The following RBX1 variants were observed in gnomAD, a reference collection of about 807,000 sequenced individuals.
The protein encoded by RBX1 is E3 ubiquitin-protein ligase RBX1.
For missense variants in RBX1, 46 were observed against 141.4 expected, an observed-to-expected ratio of 0.33 and a Z score of 3.42; for synonymous variants, 48 against 47.9, an observed-to-expected ratio of 1.00 and a Z score of -0.01.
chr22:40,959,085 G>A (rs1428650517), intron 2 of RBX1, among the ~76,000 whole-genome samples: 1 of 152,130 alleles, frequency 6.6e-6, no homozygotes, highest in African/African-American at 2.4e-5. Context: ...CAAAGTGCTG[G>A]GATTACAGGC....
At chr22:40,952,668 C>CTA in intron 1 of RBX1, among the ~76,000 whole-genome samples, 1 of 151,596 alleles carries the variant, frequency 6.6e-6, no homozygotes, top group African/African-American at 2.4e-5. Context: ...ATAGAAGAGT[C>CTA]TAAACATATA....
intron 2 of RBX1, among the ~76,000 whole-genome samples, chr22:40,957,362 T>C (rs1036145940): frequency 2.0e-5 from 3 of 151,248 alleles, no homozygotes; most frequent in Non-Finnish European, 1.5e-5. Flanking sequence ...AAAGACACTC[T>C]TGGCCAGGTG....
At chr22:40,959,532 C>T (rs1176667427) in intron 2 of RBX1, among the ~76,000 whole-genome samples, 3 of 152,150 alleles carry the variant, frequency 2.0e-5, no homozygotes, top group Non-Finnish European at 4.4e-5. Flanking sequence ...TGAATCTGGC[C>T]GGGCTCGGTG....
chr22:40,962,386 C>A (rs904898383), intron 2 of RBX1, among the ~76,000 whole-genome samples: 12 of 151,876 alleles, frequency 7.9e-5, no homozygotes, highest in Admixed American at 5.9e-4. Flanking sequence ...GCCCGGCCCA[C>A]TTTCCACATT....
At chr22:40,964,608 T>C (rs1308004852) in intron 3 of RBX1, among the ~76,000 whole-genome samples, 1 of 152,260 alleles carries the variant, frequency 6.6e-6, no homozygotes, top group African/African-American at 2.4e-5. Context: ...GTAGCTTTAT[T>C]GGACTGAATG....
chr22:40,969,795 A>G (rs972482960), intron 4 of RBX1, among the ~76,000 whole-genome samples: 1 of 152,040 alleles, frequency 6.6e-6, no homozygotes, highest in Non-Finnish European at 1.5e-5. Flanking sequence ...AGGCTGAGGC[A>G]GGAGAATCAC....
intron 2 of RBX1, 66 bp from the exon 3 acceptor site, chr22:40,963,981 G>C: frequency 8.4e-7 from 1 of 1,192,554 alleles, no homozygotes; most frequent in Non-Finnish European, 1.2e-6. Context: ...GAATTGTTTT[G>C]GCTGCTATAG....
chr22:40,959,582 G>A (rs191661745), intron 2 of RBX1, among the ~76,000 whole-genome samples: 17 of 152,236 alleles, frequency 1.1e-4, no homozygotes, highest in South Asian at 8.3e-4. Flanking sequence ...AGGCCAGGAC[G>A]CGTGGATCGT....
chr22:40,956,275 T>C (rs576189202), intron 2 of RBX1, among the ~76,000 whole-genome samples: 12 of 152,080 alleles, frequency 7.9e-5, no homozygotes, highest in Non-Finnish European at 1.3e-4. Context: ...TGAAATCCTA[T>C]AACAAAAACT....
intron 3 of RBX1, among the ~76,000 whole-genome samples, chr22:40,964,621 C>T (rs1321020539): frequency 6.6e-6 from 1 of 152,156 alleles, no homozygotes; most frequent in Non-Finnish European, 1.5e-5. Flanking sequence ...ACTGAATGGC[C>T]TTCCAAGAGT....
At chr22:40,965,829 G>A (rs543123490) in intron 3 of RBX1, among the ~76,000 whole-genome samples, 24 of 152,196 alleles carry the variant, frequency 1.6e-4, no homozygotes, top group Non-Finnish European at 2.8e-4. Context: ...CCATGGGGGA[G>A]CTTTAATCGT....
chr22:40,961,720 A>G (rs1037618544), intron 2 of RBX1, among the ~76,000 whole-genome samples: 3 of 151,778 alleles, frequency 2.0e-5, no homozygotes, highest in Non-Finnish European at 4.4e-5. Context: ...CTTTATTTTT[A>G]TCAGTTGGCA....
In RBX1 at chr22:40,957,902, G is replaced by A. The variant is rs2058329997; in HGVS notation, c.157+4269G>A. Among the ~76,000 whole-genome samples the A allele has an allele frequency of 2.0e-5, 3 of 151,910 alleles. No homozygotes were observed. The South Asian group carries it at 6.2e-4, about 31-fold the overall frequency. Reference sequence around the variant, plus strand: ...TGCAGTGGCACGATCTCGGCTTACTGCAGTCTCCACCTTCTGGGTTCAAAC... The same window carrying A: ...TGCAGTGGCACGATCTCGGCTTACTACAGTCTCCACCTTCTGGGTTCAAAC... On this transcript the variant is annotated intron_variant, in intron 2 of 4. Transcript: ENST00000216225.
rs995812373 is a variant in RBX1, at chr22:40,972,767, G to A, written c.*279G>A. On this transcript the variant is annotated 3_prime_UTR_variant, in exon 5 of 5. Transcript: ENST00000216225. The stretch of plus-strand genomic sequence containing the variant: ...TTTGAAAGTGAAATGTTTGTTCATC[G>A]GGGCCAGAGCAGGGTTGTCCTCTGA... 2 of 394,748 alleles carry A rather than the reference G, an allele frequency of 5.1e-6. No individual in the cohort carries two copies. The highest frequency in any genetic ancestry group is 2.0e-5 in the African/African-American group (1 of 48,890). The allele number at this position is 394,748 out of a possible 1,614,324, so 24.5% of individuals were successfully genotyped here. A position where few individuals can be genotyped will look rare whatever the true frequency, so the allele number is the denominator to read the frequency against.
chr22:40,956,309 A>G (rs547234984), intron 2 of RBX1, among the ~76,000 whole-genome samples: 2 of 151,934 alleles, frequency 1.3e-5, no homozygotes, highest in Admixed American at 1.3e-4. Context: ...TCTAAGTCCT[A>G]TCTTTTATTT....
In RBX1 at chr22:40,951,551, A is replaced by G; in HGVS notation, c.78+75A>G. On this transcript the variant is annotated intron_variant, in intron 1 of 4. Coordinates refer to ENST00000216225, the MANE Select transcript of RBX1 (RefSeq NM_014248.4). ...TGGCTGGCAGGCCCGAGGATGGTCGAGGCGCGGAGTAAAGGGTTTCATTTC... is the reference window on the plus strand; with the variant it reads ...TGGCTGGCAGGCCCGAGGATGGTCGGGGCGCGGAGTAAAGGGTTTCATTTC... The G allele has an allele frequency of 3.5e-6, 5 of 1,418,366 alleles. No homozygotes were observed. The South Asian group carries it at 6.0e-5, about 17-fold the overall frequency. 87.9% of individuals were successfully genotyped at this position (1,418,366 alleles called of 1,614,324 possible).
intron 3 of RBX1, among the ~76,000 whole-genome samples, chr22:40,965,078 G>A (rs578130895): frequency 6.6e-5 from 10 of 152,342 alleles, no homozygotes; most frequent in African/African-American, 2.4e-4. Context: ...GCCGAGGCGG[G>A]TGCATCATGA....
At chr22:40,958,475 A>G (rs188732890) in intron 2 of RBX1, among the ~76,000 whole-genome samples, 53 of 152,318 alleles carry the variant, frequency 3.5e-4, no homozygotes, top group Admixed American at 2.9e-3. Flanking sequence ...GTAATTATAT[A>G]CATAGCTCTA....
In RBX1 at chr22:40,973,279, C is replaced by T. The variant is rs1039132575; in HGVS notation, c.*791C>T. The T allele has an allele frequency of 2.0e-5, 3 of 152,150 alleles. No individual in the cohort carries two copies. Among genetic ancestry groups the T allele is most frequent in the African/African-American group, 7.2e-5 (3 of 41,406 alleles). 9.4% of individuals were successfully genotyped at this position (152,150 alleles called of 1,614,324 possible). A position where few individuals can be genotyped will look rare whatever the true frequency, so the allele number is the denominator to read the frequency against. ...TAGATGGACCGCGCAACCTAGATCCCTCACATGCACGGTTCGCCAATAGGG... is the reference window on the plus strand; with the variant it reads ...TAGATGGACCGCGCAACCTAGATCCTTCACATGCACGGTTCGCCAATAGGG... On this transcript the variant is annotated 3_prime_UTR_variant, in exon 5 of 5. Coordinates refer to ENST00000216225, the MANE Select transcript of RBX1 (RefSeq NM_014248.4).
Sources: gnomAD v4.1 joint callset for allele counts (sites outside exome capture counted in the v4.1 genomes callset) on GRCh38, gnomAD v4.1.1 for gene constraint, MANE v1.5 for transcripts, NCBI Gene and HGNC (gene_info 2026-07-23, HGNC 2026-07-21) for gene names.